Variants in PRKCA observed in about 807,000 individuals in gnomAD.
The protein encoded by PRKCA is protein kinase C alpha type.
PRKCA carries 27 observed loss-of-function variants against 87.0 expected under a neutral mutation model. That is an observed-to-expected ratio of 0.31 (90% CI 0.23 to 0.43). The LOEUF is 0.43. Among genes scored for constraint, PRKCA ranks in the 20% least tolerant of loss-of-function variants. The pLI, the probability that PRKCA is intolerant of heterozygous loss-of-function variation, is 1.00. For synonymous variants in PRKCA, 329 were observed against 311.1 expected, an observed-to-expected ratio of 1.06 and a Z score of -0.61; for missense variants, 518 against 852.3, an observed-to-expected ratio of 0.61 and a Z score of 4.88.
At chr17:66,625,719 C>T (rs1970836393) in intron 3 of PRKCA, among the ~76,000 whole-genome samples, 2 of 152,140 alleles carry the variant, frequency 1.3e-5, no homozygotes, top group African/African-American at 4.8e-5. Flanking sequence ...CAGAAGAAGC[C>T]TTATTGCCCA....
chr17:66,697,493 A>G (rs535582104), intron 8 of PRKCA, among the ~76,000 whole-genome samples: 7 of 152,224 alleles, frequency 4.6e-5, no homozygotes, highest in East Asian at 1.9e-4. Context: ...CCCTCCCTCA[A>G]AGCAGCACTG....
chr17:66,780,631 C>T (rs570978770), intron 14 of PRKCA, among the ~76,000 whole-genome samples: 3 of 151,674 alleles, frequency 2.0e-5, no homozygotes, highest in South Asian at 2.1e-4. Context: ...GAGCCATGAT[C>T]GCACCACTGC....
chr17:66,504,342 AC>A (rs1329526303), intron 3 of PRKCA, among the ~76,000 whole-genome samples: 1 of 152,138 alleles, frequency 6.6e-6, no homozygotes, highest in Non-Finnish European at 1.5e-5. Context: ...TAATCCCAGC[AC>A]TTTGGGAGGC....
intron 2 of PRKCA, among the ~76,000 whole-genome samples, chr17:66,420,321 C>T (rs1912417768): frequency 6.6e-6 from 1 of 152,074 alleles, no homozygotes; most frequent in African/African-American, 2.4e-5. Flanking sequence ...GGGACATGTT[C>T]TTAAAGTTTA....
At chr17:66,788,372 A>G (rs1204707577) in intron 15 of PRKCA, among the ~76,000 whole-genome samples, 3 of 152,112 alleles carry the variant, frequency 2.0e-5, no homozygotes, top group Admixed American at 2.0e-4. Context: ...TATTTTTCTA[A>G]TCTATGAGTC....
intron 2 of PRKCA, among the ~76,000 whole-genome samples, chr17:66,395,537 A>G (rs1179497907): frequency 1.3e-5 from 2 of 152,178 alleles, no homozygotes; most frequent in Admixed American, 6.6e-5. Context: ...TTTGGCTAGC[A>G]CAGACTTAGT....
chr17:66,764,583 T>C (rs1048526546), intron 13 of PRKCA, among the ~76,000 whole-genome samples: 1 of 152,194 alleles, frequency 6.6e-6, no homozygotes, highest in Non-Finnish European at 1.5e-5. Flanking sequence ...TTGGCTCTTG[T>C]AAGTATAATA....
intron 13 of PRKCA, among the ~76,000 whole-genome samples, chr17:66,763,984 A>G (rs2098183710): frequency 6.6e-6 from 1 of 152,194 alleles, no homozygotes; most frequent in Non-Finnish European, 1.5e-5. Context: ...AGTACCCACC[A>G]TAGCTGTCTA....
chr17:66,466,478 G>A (rs569312744), intron 2 of PRKCA, among the ~76,000 whole-genome samples: 17 of 152,324 alleles, frequency 1.1e-4, no homozygotes, highest in African/African-American at 4.1e-4. Flanking sequence ...ATTCTGCAAA[G>A]TGGTTCCCAC....
At chr17:66,774,299 T>G in intron 14 of PRKCA, 1 of 1,366,248 alleles carries the variant, frequency 7.3e-7, no homozygotes, top group Middle Eastern at 2.6e-4. Flanking sequence ...CAACCTGGAG[T>G]GTAGACAGTG....
intron 3 of PRKCA, among the ~76,000 whole-genome samples, chr17:66,602,348 C>T (rs1299272524): frequency 7.0e-6 from 1 of 142,738 alleles, no homozygotes; most frequent in Non-Finnish European, 1.5e-5. Context: ...GCGTCCGTCA[C>T]CCCTTTCTTT....
In PRKCA at chr17:66,336,810, C is replaced by T. The variant is rs1036591899; in HGVS notation, c.205+30683C>T. On this transcript the variant is annotated intron_variant, in intron 2 of 16. Coordinates refer to ENST00000413366, the MANE Select transcript of PRKCA (RefSeq NM_002737.3). ...TGTGTGTGTGTGTGTGTGTTTGAGA[C>T]GGAGTTTCGCTCTTGTTGCCCAGGC... is the stretch of plus-strand genomic sequence containing the variant. 3.4e-4 allele frequency among the ~76,000 whole-genome samples: 45 copies of T among 132,082 alleles called. No homozygotes were observed. In the South Asian group the frequency reaches 0.01, roughly 30 times the overall value. The allele number at this position is 132,082 out of a possible 152,430, so 86.7% of individuals were successfully genotyped here. A position where few individuals can be genotyped will look rare whatever the true frequency, so the allele number is the denominator to read the frequency against.
intron 13 of PRKCA, among the ~76,000 whole-genome samples, chr17:66,752,275 G>T (rs574582662): frequency 6.6e-6 from 1 of 152,094 alleles, no homozygotes; most frequent in Non-Finnish European, 1.5e-5. Context: ...ATGTGTAATC[G>T]CCCCAGAACA....
intron 3 of PRKCA, among the ~76,000 whole-genome samples, chr17:66,591,595 A>G (rs968880653): frequency 2.6e-5 from 4 of 152,216 alleles, no homozygotes; most frequent in African/African-American, 4.8e-5. Context: ...TACTTCCTAA[A>G]TAGTTTCTTC....
chr17:66,412,113 C>G (rs1911846875), intron 2 of PRKCA, among the ~76,000 whole-genome samples: 1 of 151,802 alleles, frequency 6.6e-6, no homozygotes, highest in South Asian at 2.1e-4. Flanking sequence ...GTTCCATCAC[C>G]CAGGCTGGAG....
chr17:66,694,050 A>G (rs1399673223), intron 8 of PRKCA, among the ~76,000 whole-genome samples: 2 of 152,208 alleles, frequency 1.3e-5, no homozygotes, highest in Admixed American at 1.3e-4. Flanking sequence ...AATAGAACTA[A>G]TATCCTGATA....
At chr17:66,672,508 A>C (rs764856957) in intron 5 of PRKCA, among the ~76,000 whole-genome samples, 5 of 152,222 alleles carry the variant, frequency 3.3e-5, no homozygotes, top group Non-Finnish European at 7.3e-5. Flanking sequence ...CCATCCTTTA[A>C]GCTACTTCCA....
At chr17:66,590,296 G>A (rs1969760584) in intron 3 of PRKCA, among the ~76,000 whole-genome samples, 1 of 152,094 alleles carries the variant, frequency 6.6e-6, no homozygotes, top group African/African-American at 2.4e-5. Flanking sequence ...TGATTCCCTT[G>A]ACTAAAAGCA....
intron 8 of PRKCA, among the ~76,000 whole-genome samples, chr17:66,697,513 AAG>A: frequency 6.6e-6 from 1 of 152,344 alleles, no homozygotes; most frequent in Middle Eastern, 3.4e-3. Flanking sequence ...GCTCAGAGCC[AAG>A]AGAGACTCTC....
Sources: allele counts gnomAD v4.1 joint callset (sites outside exome capture counted in the v4.1 genomes callset), GRCh38; gene constraint gnomAD v4.1.1; transcripts MANE v1.5; gene names NCBI Gene and HGNC (gene_info 2026-07-23, HGNC 2026-07-21).